SULT1E1: variants seen among roughly 807,000 people sequenced by gnomAD.
The protein encoded by SULT1E1 is sulfotransferase 1E1.
SULT1E1 carries 36 observed loss-of-function variants against 33.6 expected under a neutral mutation model. The ratio of observed to expected loss-of-function variants is 1.07; its 90% CI spans 0.82 to 1.41. SULT1E1 has a LOEUF of 1.41. Among genes scored for constraint, SULT1E1 ranks in the 40% most tolerant of loss-of-function variants. The pLI, the probability that SULT1E1 is intolerant of heterozygous loss-of-function variation, is 0.00. For synonymous variants in SULT1E1, 121 were observed against 111.7 expected (o/e 1.08, Z -0.53); for missense variants, 371 against 345.7 (o/e 1.07, Z -0.58).
chr4:69,850,066 GA>G, intron 4 of SULT1E1, among the ~76,000 whole-genome samples: 1 of 151,696 alleles, frequency 6.6e-6, no homozygotes, highest in Middle Eastern at 3.2e-3. Flanking sequence ...AATATTACAG[GA>G]AAAAAACATT....
chr4:69,842,750 G>A lies in SULT1E1; in HGVS notation c.773-644C>T, dbSNP rs1720905751. On this transcript the variant is annotated intron_variant, in intron 7 of 7. Coordinates refer to ENST00000226444, the MANE Select transcript of SULT1E1 (RefSeq NM_005420.3). Reference sequence around the variant, plus strand: ...CAGCCAGAGAGTGTTTCTCATCTGGGTAATTATAATAGTCCAGCAGGCTTT... The same window carrying A: ...CAGCCAGAGAGTGTTTCTCATCTGGATAATTATAATAGTCCAGCAGGCTTT... Among the ~76,000 whole-genome samples, 4 of 151,870 alleles carry A rather than the reference G, an allele frequency of 2.6e-5. No individual in the cohort carries two copies. In the South Asian group the frequency reaches 8.3e-4, roughly 32 times the overall value.
At chr4:69,823,782 A>T in the SULT1E1 span, among the ~76,000 whole-genome samples, 7 of 152,192 alleles carry the variant, frequency 4.6e-5, no homozygotes, top group African/African-American at 1.4e-4. Flanking sequence ...TAGCTCTGCT[A>T]TCTGAGCAGA....
intron 5 of SULT1E1, among the ~76,000 whole-genome samples, chr4:69,848,753 T>C (rs1271915193): frequency 6.6e-6 from 1 of 151,972 alleles, no homozygotes; most frequent in African/African-American, 2.4e-5. Context: ...GAAAACACAT[T>C]ATTATTTTTC....
intron 1 of SULT1E1, among the ~76,000 whole-genome samples, chr4:69,858,137 T>C (rs773291747): frequency 6.6e-6 from 1 of 152,190 alleles, no homozygotes; most frequent in Non-Finnish European, 1.5e-5. Context: ...TGAATATGTA[T>C]CATTTTTTTA....
intron 3 of SULT1E1, 34 bp from the exon 4 acceptor site, chr4:69,854,348 C>G (rs1453138864): frequency 1.4e-6 from 2 of 1,387,010 alleles, no homozygotes; most frequent in Non-Finnish European, 2.0e-6. Context: ...TAAGCAACTT[C>G]AAAAATTGTA....
At chr4:69,825,088 T>G in the SULT1E1 span, among the ~76,000 whole-genome samples, 1 of 151,860 alleles carries the variant, frequency 6.6e-6, no homozygotes, top group Non-Finnish European at 1.5e-5. Context: ...CTTTAAGAGC[T>G]GTAACACTCA....
chr4:69,830,590 G>A, the SULT1E1 span, among the ~76,000 whole-genome samples: 1 of 152,168 alleles, frequency 6.6e-6, no homozygotes, highest in Non-Finnish European at 1.5e-5. Flanking sequence ...TGCAGATGCT[G>A]CAGCTGGGAT....
downstream of SULT1E1, among the ~76,000 whole-genome samples, chr4:69,836,595 T>C (rs1183799337): frequency 3.3e-5 from 5 of 152,190 alleles, no homozygotes; most frequent in African/African-American, 1.2e-4. Flanking sequence ...GTGAAAGAGA[T>C]TGGTTAGATC....
At chr4:69,843,672 T>C (rs556670659) in intron 7 of SULT1E1, among the ~76,000 whole-genome samples, 1 of 152,364 alleles carries the variant, frequency 6.6e-6, no homozygotes, top group East Asian at 1.9e-4. Flanking sequence ...TATATGTTGA[T>C]ATTTTTTGCT....
chr4:69,838,715 T>G (rs1229277178), downstream of SULT1E1: 1 of 152,170 alleles, frequency 6.6e-6, no homozygotes, highest in East Asian at 1.9e-4. Flanking sequence ...GGCAGTGAGA[T>G]CAGAGGTCTG....
intron 2 of SULT1E1, among the ~76,000 whole-genome samples, chr4:69,856,935 C>CA (rs11464421): frequency 0.3 from 17,447 of 59,132 alleles, 4,862 homozygotes; most frequent in South Asian, 0.46. Context: ...GACTCCGTCT[C>CA]AAAAAAAAAA....
In SULT1E1 at chr4:69,857,495, T is replaced by C. The variant is rs1721266308; in HGVS notation, c.145+5A>G. On this transcript the variant is annotated splice_donor_5th_base_variant and intron_variant, in intron 2 of 7. Coordinates refer to ENST00000226444, the MANE Select transcript of SULT1E1 (RefSeq NM_005420.3). ...AGGTGAAAAAAGAACAACAAAGAGA[T>C]TTACCAGATTTAGGGTAGGTGGCAA... 1.3e-6 allele frequency: 2 copies of C among 1,588,400 alleles called. No individual in the cohort carries two copies. Among genetic ancestry groups the C allele is most frequent in the African/African-American group, 1.4e-5 (1 of 73,276 alleles).
chr4:69,824,882 G>T, the SULT1E1 span, among the ~76,000 whole-genome samples: 1 of 152,152 alleles, frequency 6.6e-6, no homozygotes, highest in African/African-American at 2.4e-5. Context: ...ACCCGCTGAG[G>T]TCCCTTTCCA....
chr4:69,847,049 T>G (rs1720991096), intron 6 of SULT1E1, among the ~76,000 whole-genome samples: 1 of 151,738 alleles, frequency 6.6e-6, no homozygotes, highest in Admixed American at 6.6e-5. Flanking sequence ...GAACCATTAC[T>G]TTTCATCAAA....
chr4:69,845,810 A>T (rs1220704), intron 6 of SULT1E1, among the ~76,000 whole-genome samples: 1 of 150,988 alleles, frequency 6.6e-6, no homozygotes, highest in South Asian at 2.1e-4. Flanking sequence ...TTCAAATTCA[A>T]TGTCATTAAT....
At chr4:69,831,748 A>T in the SULT1E1 span, among the ~76,000 whole-genome samples, 1 of 152,042 alleles carries the variant, frequency 6.6e-6, no homozygotes, top group African/African-American at 2.4e-5. Flanking sequence ...CTTAGCTAGG[A>T]GAGTTCCTTA....
At chr4:69,829,547 G>T in the SULT1E1 span, among the ~76,000 whole-genome samples, 1 of 152,146 alleles carries the variant, frequency 6.6e-6, no homozygotes, top group East Asian at 1.9e-4. Flanking sequence ...CAGCTTTCAG[G>T]ACAGTAAGGG....
intron 4 of SULT1E1, among the ~76,000 whole-genome samples, chr4:69,849,789 A>G (rs1721065317): frequency 6.6e-6 from 1 of 152,044 alleles, no homozygotes; most frequent in Non-Finnish European, 1.5e-5. Flanking sequence ...ACAGAACAAC[A>G]TTATTATGCC....
At chr4:69,824,753 T>C in the SULT1E1 span, among the ~76,000 whole-genome samples, 1 of 152,038 alleles carries the variant, frequency 6.6e-6, no homozygotes, top group Admixed American at 6.6e-5. Context: ...CTCTGTAAAA[T>C]GGACCAATCA....
Sources: gnomAD v4.1 joint callset for allele counts (sites outside exome capture counted in the v4.1 genomes callset) on GRCh38, gnomAD v4.1.1 for gene constraint, MANE v1.5 for transcripts, NCBI Gene and HGNC (gene_info 2026-07-23, HGNC 2026-07-21) for gene names.